DYNC2H1: variants seen among roughly 807,000 people sequenced by gnomAD.
The protein encoded by DYNC2H1 is dynein cytoplasmic 2 heavy chain 1.
A neutral mutation model predicts 570.0 loss-of-function variants in DYNC2H1; 410 were observed. The observed-to-expected ratio is 0.72, with a 90% CI of 0.66 to 0.78. The LOEUF (loss-of-function observed/expected upper bound fraction) is 0.78, where lower values mean the gene tolerates loss of function less well. Among genes scored for constraint, DYNC2H1 ranks in the 30% least tolerant of loss-of-function variants. The pLI is 0.00. For synonymous variants in DYNC2H1, 1,688 were observed against 1,677.6 expected, an observed-to-expected ratio of 1.01 and a Z score of -0.15; for missense variants, 4,865 against 5,046.4, an observed-to-expected ratio of 0.96 and a Z score of 1.09.
At chr11:103,119,877 A>G (rs1205189148) in intron 6 of DYNC2H1, among the ~76,000 whole-genome samples, 4 of 152,224 alleles carry the variant, frequency 2.6e-5, no homozygotes, top group African/African-American at 9.6e-5. Context: ...AGAAAAATAA[A>G]TCATGAGTTT....
At chr11:103,112,617 G>A (rs1014970210) in intron 1 of DYNC2H1, among the ~76,000 whole-genome samples, 2 of 152,188 alleles carry the variant, frequency 1.3e-5, no homozygotes, top group African/African-American at 2.4e-5. Flanking sequence ...GTCATGAAAT[G>A]TTATAAGCAT....
At chr11:103,385,472 T>TA (rs1280322930) in intron 83 of DYNC2H1, among the ~76,000 whole-genome samples, 1 of 152,118 alleles carries the variant, frequency 6.6e-6, no homozygotes, top group African/African-American at 2.4e-5. Flanking sequence ...TGTTTCTGTG[T>TA]AAAAAACCCT....
intron 47 of DYNC2H1, among the ~76,000 whole-genome samples, chr11:103,195,009 C>CA (rs1862465370): frequency 6.6e-6 from 1 of 152,172 alleles, no homozygotes; most frequent in Non-Finnish European, 1.5e-5. Flanking sequence ...TGAGCCACTG[C>CA]AGCCAGCAAT....
chr11:103,312,994 C>A (rs879641725), intron 79 of DYNC2H1, among the ~76,000 whole-genome samples: 6 of 147,302 alleles, frequency 4.1e-5, no homozygotes, highest in African/African-American at 1.5e-4. Flanking sequence ...TGTACTTCAC[C>A]ATTTTAAACC....
intron 84 of DYNC2H1, among the ~76,000 whole-genome samples, chr11:103,421,369 C>G (rs602480): frequency 0.67 from 101,262 of 151,998 alleles, 35,386 homozygotes; most frequent in African/African-American, 0.89. Context: ...GATATCTATA[C>G]GACTCTCCAC....
chr11:103,143,468 T>C (rs1860074243), intron 18 of DYNC2H1, 73 bp downstream of exon 18: 1 of 1,418,666 alleles, frequency 7.0e-7, no homozygotes, highest in Admixed American at 2.7e-5. Context: ...GCTCTCTACT[T>C]AGTGGCATTG....
chr11:103,165,231 G>A (rs1861255096), intron 30 of DYNC2H1, among the ~76,000 whole-genome samples: 1 of 152,134 alleles, frequency 6.6e-6, no homozygotes, highest in African/African-American at 2.4e-5. Context: ...AGGCTCAAGC[G>A]ATTCTCGTGC....
At position 103,264,346 on chromosome 11, in the gene DYNC2H1, C is replaced by T. The variant is rs1030482134; in HGVS notation, c.10695+4369C>T. Among the ~76,000 whole-genome samples, 1 of 152,162 alleles carries T rather than the reference C, an allele frequency of 6.6e-6. No homozygotes were observed. The highest frequency in any genetic ancestry group is 1.5e-5 in the Non-Finnish European group (1 of 68,032). ...TAGAAAAAGAGGGACCCCTACCTAA[C>T]TCATTTTATGAGACCAGGATCATCA... On this transcript the variant is annotated intron_variant, in intron 70 of 88. Coordinates refer to ENST00000375735, the MANE Select transcript of DYNC2H1 (RefSeq NM_001377.3). This position sits in a 1 kb window ranked among gnomAD's most constrained non-coding sequence, Gnocchi z 4.8.
chr11:103,317,252 C>T (rs1391209752), intron 80 of DYNC2H1, among the ~76,000 whole-genome samples: 1 of 152,086 alleles, frequency 6.6e-6, no homozygotes, highest in Non-Finnish European at 1.5e-5. Flanking sequence ...TCCCCACCCC[C>T]AACCCTGCAA....
rs748503392 is a variant in DYNC2H1 at position 103,312,075 on chromosome 11, T to A, written c.11649+42T>A. On this transcript the variant is annotated intron_variant, in intron 79 of 88. Transcript: ENST00000375735. ...CTTGAATACATTCTAAGCTTTATAT[T>A]TTTGTATGTTAAAATATTTTTGTGG... The A allele has an allele frequency of 7.7e-6, 12 of 1,564,060 alleles. 1 individual carries two copies. Among genetic ancestry groups the A allele is most frequent in the Non-Finnish European group, 1.0e-5 (12 of 1,158,226 alleles).
At chr11:103,174,219 C>T (rs748025714) in intron 36 of DYNC2H1, 49 bp downstream of exon 36, 75 of 1,427,866 alleles carry the variant, frequency 5.3e-5, no homozygotes, top group East Asian at 1.7e-4. Flanking sequence ...AAAACATAAG[C>T]GTTAATTTAG....
At chr11:103,118,627 T>C (rs755916418) in intron 6 of DYNC2H1, among the ~76,000 whole-genome samples, 2 of 152,178 alleles carry the variant, frequency 1.3e-5, no homozygotes, top group Non-Finnish European at 2.9e-5. Flanking sequence ...AATTCCTTAA[T>C]ATCATTTTAT....
At chr11:103,358,383 A>G (rs1591627585) in intron 83 of DYNC2H1, 24 bp downstream of exon 83, 1 of 1,463,376 alleles carries the variant, frequency 6.8e-7, no homozygotes, top group African/African-American at 1.4e-5. Context: ...TATTCTTCTG[A>G]TTCTTTTGCT....
chr11:103,317,097 A>G (rs1173348440), intron 80 of DYNC2H1, among the ~76,000 whole-genome samples: 9 of 152,124 alleles, frequency 5.9e-5, no homozygotes, highest in Non-Finnish European at 1.2e-4. Context: ...GAAAACAGGA[A>G]CAGTCTAATC....
At position 103,268,236 on chromosome 11, in the gene DYNC2H1, G is replaced by T. The variant is rs183351996; in HGVS notation, c.10695+8259G>T. Among the ~76,000 whole-genome samples, 1 of 151,944 alleles carries T rather than the reference G, an allele frequency of 6.6e-6. No homozygotes were observed. The highest frequency in any genetic ancestry group is 1.5e-5 in the Non-Finnish European group (1 of 67,850). On this transcript the variant is annotated intron_variant, in intron 70 of 88. Coordinates refer to ENST00000375735, the MANE Select transcript of DYNC2H1 (RefSeq NM_001377.3). The surrounding 1 kb of genome is among the most constrained non-coding windows in gnomAD (Gnocchi z 4.6). Reference sequence around the variant, plus strand: ...ATAAAGGTATATCTTTATCTCCTTTGTTGCACCTTATCAACCCAGGATGTT... The same window carrying T: ...ATAAAGGTATATCTTTATCTCCTTTTTTGCACCTTATCAACCCAGGATGTT...
At chr11:103,182,414 T>A (rs990388327) in intron 40 of DYNC2H1, among the ~76,000 whole-genome samples, 2 of 151,672 alleles carry the variant, frequency 1.3e-5, no homozygotes, top group Non-Finnish European at 3.0e-5. Flanking sequence ...AATGAAAACG[T>A]GTTTATATTT....
chr11:103,386,448 C>A (rs539679276), intron 83 of DYNC2H1, among the ~76,000 whole-genome samples: 14 of 141,340 alleles, frequency 9.9e-5, no homozygotes, highest in African/African-American at 3.8e-4. Context: ...CTTTAAAACA[C>A]ACCACACACA....
At chr11:103,362,333 C>CTTT (rs1230736946) in intron 83 of DYNC2H1, among the ~76,000 whole-genome samples, 2 of 25,126 alleles carry the variant, frequency 8.0e-5, no homozygotes, top group African/African-American at 2.7e-4. Context: ...TTTTTTTTTT[C>CTTT]TTTTTTTTTT....
chr11:103,235,896 C>T, intron 62 of DYNC2H1, 83 bp downstream of exon 62: 1 of 1,485,266 alleles, frequency 6.7e-7, no homozygotes, highest in South Asian at 1.4e-5. Flanking sequence ...AAAAATAGAC[C>T]CTTTATTCTC....
Sources: gnomAD v4.1 joint callset for allele counts (sites outside exome capture counted in the v4.1 genomes callset) on GRCh38, gnomAD v4.1.1 for gene constraint, Gnocchi (gnomAD v3.1) non-coding constraint, MANE v1.5 for transcripts, NCBI Gene and HGNC (gene_info 2026-07-23, HGNC 2026-07-21) for gene names.